Variants in CDH13 observed in about 807,000 individuals in gnomAD.
The protein encoded by CDH13 is cadherin-13.
CDH13 carries 24 observed loss-of-function variants against 63.8 expected under a neutral mutation model. The ratio of observed to expected loss-of-function variants is 0.38; its 90% CI spans 0.27 to 0.53. The LOEUF (loss-of-function observed/expected upper bound fraction) is 0.53. CDH13 is among the 20% of genes least tolerant of loss of function. CDH13 has a pLI of 0.85. For missense variants in CDH13, 1,049 were observed against 903.1 expected, an observed-to-expected ratio of 1.16 and a Z score of -2.07; for synonymous variants, 503 against 355.3, an observed-to-expected ratio of 1.42 and a Z score of -4.67.
intron 1 of CDH13, among the ~76,000 whole-genome samples, chr16:82,801,948 C>T (rs147113231): frequency 5.3e-5 from 8 of 152,238 alleles, no homozygotes; most frequent in African/African-American, 1.9e-4. Context: ...GTAAGGAGTG[C>T]GGATGTGAAT....
intron 3 of CDH13, among the ~76,000 whole-genome samples, chr16:83,089,734 A>T (rs929856202): frequency 6.6e-6 from 1 of 152,188 alleles, no homozygotes; most frequent in African/African-American, 2.4e-5. Context: ...ACTTTGCTAT[A>T]AGGGCTACAC....
chr16:82,643,315 A>C (rs1192870162), intron 1 of CDH13, among the ~76,000 whole-genome samples: 2 of 152,172 alleles, frequency 1.3e-5, no homozygotes, highest in African/African-American at 2.4e-5. Flanking sequence ...CACCTGTCTT[A>C]CAGTTGTTCA....
chr16:83,184,224 C>G (rs1214790111), intron 4 of CDH13, among the ~76,000 whole-genome samples: 1 of 151,744 alleles, frequency 6.6e-6, no homozygotes, highest in Non-Finnish European at 1.5e-5. Context: ...ATTTCCCCAT[C>G]TAGAGGCTCA....
chr16:82,931,512 C>CT (rs1371810049), intron 2 of CDH13, among the ~76,000 whole-genome samples: 1 of 123,912 alleles, frequency 8.1e-6, no homozygotes, highest in East Asian at 2.0e-4. Flanking sequence ...GAGGTCCCCC[C>CT]CTTTTTTTTT....
chr16:83,308,784 C>A (rs723920), intron 5 of CDH13, among the ~76,000 whole-genome samples: 64,111 of 152,018 alleles, frequency 0.42, 13,667 homozygotes, highest in East Asian at 0.5. Context: ...GAATCAAGAC[C>A]CTGGAAACAT....
intron 5 of CDH13, among the ~76,000 whole-genome samples, chr16:83,229,582 TTTGA>T (rs1180681584): frequency 6.6e-6 from 1 of 152,234 alleles, no homozygotes; most frequent in Non-Finnish European, 1.5e-5. Context: ...TGTTGATTTC[TTTGA>T]TTGGTATCTG....
rs3223223 is a variant in CDH13, at chr16:82,947,004, CTGTGTGTG to C, written c.158-84969_158-84962del. ...CCAAAGTCTTTATAAGTGCGCACGC[CTGTGTGTG>C]TGTGTGTGTGTGTGTGTGTGTGTGT... On this transcript the variant is annotated intron_variant, in intron 2 of 13. Transcript: ENST00000567109. 4.6e-3 allele frequency among the ~76,000 whole-genome samples: 618 copies of C among 135,006 alleles called. 4 individuals are homozygous for C. Among genetic ancestry groups the C allele is most frequent in the African/African-American group, 0.015 (538 of 37,054 alleles). The allele number at this position is 135,006 out of a possible 152,430, so 88.6% of individuals were successfully genotyped here.
At chr16:83,380,816 G>C (rs566731459) in intron 6 of CDH13, among the ~76,000 whole-genome samples, 1 of 150,446 alleles carries the variant, frequency 6.6e-6, no homozygotes, top group Non-Finnish European at 1.5e-5. Flanking sequence ...GTTTCATTAG[G>C]GCACATTACC....
intron 1 of CDH13, among the ~76,000 whole-genome samples, chr16:82,814,804 C>T (rs1328303165): frequency 6.6e-6 from 1 of 152,116 alleles, no homozygotes; most frequent in East Asian, 1.9e-4. Context: ...CAACCTGGGC[C>T]TTGTGACTGG....
intron 6 of CDH13, among the ~76,000 whole-genome samples, chr16:83,468,478 T>G (rs755605349): frequency 5.4e-4 from 82 of 152,204 alleles, no homozygotes; most frequent in Admixed American, 1.6e-3. Flanking sequence ...ATATCCGAAA[T>G]CCTAAGCCAC....
rs2075539639 is a variant in CDH13, at chr16:83,553,099, CTG to C, written c.961-49352_961-49351del. ...ATCTCAAAAAAAAAAAAAAAAGTGA[CTG>C]TGGTTATTGTAAACATTTTTGCTTA... is the stretch of plus-strand genomic sequence containing the variant. On this transcript the variant is annotated intron_variant, in intron 7 of 13. Transcript: ENST00000567109. Among the ~76,000 whole-genome samples the C allele has an allele frequency of 4.0e-5, 6 of 148,852 alleles. No homozygotes were observed. The South Asian group carries it at 1.3e-3, about 32-fold the overall frequency.
chr16:82,800,729 A>G (rs1387534332), intron 1 of CDH13, among the ~76,000 whole-genome samples: 1 of 152,214 alleles, frequency 6.6e-6, no homozygotes, highest in Admixed American at 6.5e-5. Flanking sequence ...GAAAAGAGAA[A>G]GAACAGGATT....
At chr16:83,078,418 C>T (rs367818764) in intron 3 of CDH13, among the ~76,000 whole-genome samples, 17 of 152,316 alleles carry the variant, frequency 1.1e-4, no homozygotes, top group Admixed American at 6.5e-4. Flanking sequence ...AAGGAACGTG[C>T]GACCTAGATC....
chr16:83,004,140 A>G (rs1913228162), intron 2 of CDH13, among the ~76,000 whole-genome samples: 1 of 152,210 alleles, frequency 6.6e-6, no homozygotes, highest in Non-Finnish European at 1.5e-5. Context: ...GAGTCCGACC[A>G]GCAGAAACCT....
chr16:83,703,584 C>A (rs565323618), intron 10 of CDH13, among the ~76,000 whole-genome samples: 2 of 152,182 alleles, frequency 1.3e-5, no homozygotes, highest in Non-Finnish European at 2.9e-5. Context: ...AATAAAATGT[C>A]TAAGGATAGG....
At chr16:82,992,496 G>A (rs993904927) in intron 2 of CDH13, among the ~76,000 whole-genome samples, 7 of 152,160 alleles carry the variant, frequency 4.6e-5, no homozygotes, top group African/African-American at 1.7e-4. Context: ...GGGGCAGGGT[G>A]GGGATAGAAT....
At chr16:82,850,033 A>G (rs2039419087) in intron 1 of CDH13, among the ~76,000 whole-genome samples, 1 of 152,272 alleles carries the variant, frequency 6.6e-6, no homozygotes, top group Non-Finnish European at 1.5e-5. Flanking sequence ...ACCTGCTAAT[A>G]TAATTTCCAT....
At chr16:83,075,658 C>T (rs751282226) in intron 3 of CDH13, among the ~76,000 whole-genome samples, 8 of 152,156 alleles carry the variant, frequency 5.3e-5, no homozygotes, top group African/African-American at 1.2e-4. Flanking sequence ...TTAGGCGAGG[C>T]GGTCCCGGCA....
intron 6 of CDH13, among the ~76,000 whole-genome samples, chr16:83,416,872 T>A (rs2071564777): frequency 6.6e-6 from 1 of 152,212 alleles, no homozygotes. Context: ...TAAAAATACT[T>A]GCCTTATAAA....
Sources: gnomAD v4.1 joint callset for allele counts (sites outside exome capture counted in the v4.1 genomes callset) on GRCh38, gnomAD v4.1.1 for gene constraint, MANE v1.5 for transcripts, NCBI Gene and HGNC (gene_info 2026-07-23, HGNC 2026-07-21) for gene names.